SLC16A9: variants seen among roughly 807,000 people sequenced by gnomAD.
SLC16A9 encodes solute carrier family 16 member 9.
Under a neutral mutation model 44.3 loss-of-function variants are expected in SLC16A9, and 26 were observed. The observed-to-expected ratio is 0.59, with a 90% CI of 0.43 to 0.81. SLC16A9 has a LOEUF of 0.81. Among genes scored for constraint, SLC16A9 ranks in the 40% least tolerant of loss-of-function variants. The pLI, the probability that SLC16A9 is intolerant of heterozygous loss-of-function variation, is 0.00. For synonymous variants in SLC16A9, 230 were observed against 225.1 expected (o/e 1.02, Z -0.19); for missense variants, 559 against 595.8 (o/e 0.94, Z 0.64).
intron 1 of SLC16A9, among the ~76,000 whole-genome samples, chr10:59,707,335 AGGGG>A (rs1227991224): frequency 5.3e-4 from 41 of 76,862 alleles, no homozygotes; most frequent in African/African-American, 2.1e-3. Flanking sequence ...AAGGGAAGGG[AGGGG>A]AAGGGAGGGG....
At chr10:59,696,689 A>G (rs1840385960) in intron 1 of SLC16A9, among the ~76,000 whole-genome samples, 1 of 148,728 alleles carries the variant, frequency 6.7e-6, no homozygotes, top group Admixed American at 6.6e-5. Context: ...CCATCATCTG[A>G]GATGTGGGGA....
chr10:59,704,384 T>G (rs1425383732), intron 1 of SLC16A9, among the ~76,000 whole-genome samples: 1 of 152,024 alleles, frequency 6.6e-6, no homozygotes. Flanking sequence ...TCTTATTCAA[T>G]CCCTCAATCT....
intron 1 of SLC16A9, among the ~76,000 whole-genome samples, chr10:59,685,130 A>G (rs1361376485): frequency 6.6e-6 from 1 of 152,194 alleles, no homozygotes; most frequent in Non-Finnish European, 1.5e-5. Context: ...TTTTTCATAA[A>G]AAAGTAGTAT....
chr10:59,685,159 C>T (rs1301831370), intron 1 of SLC16A9, among the ~76,000 whole-genome samples: 1 of 152,162 alleles, frequency 6.6e-6, no homozygotes, highest in Non-Finnish European at 1.5e-5. Context: ...TTACATTCCC[C>T]ACCTTCCTTT....
intron 1 of SLC16A9, among the ~76,000 whole-genome samples, chr10:59,705,387 T>C (rs2132555504): frequency 6.6e-6 from 1 of 152,302 alleles, no homozygotes; most frequent in Non-Finnish European, 1.5e-5. Context: ...GCACAGACTC[T>C]GGGGGTAGAC....
chr10:59,669,944 C>A (rs1347489732), intron 3 of SLC16A9, among the ~76,000 whole-genome samples: 1 of 152,058 alleles, frequency 6.6e-6, no homozygotes, highest in Non-Finnish European at 1.5e-5. Context: ...AAAAACCTAA[C>A]AAAACAACAT....
chr10:59,669,429 A>G (rs1839695404), intron 3 of SLC16A9, among the ~76,000 whole-genome samples: 1 of 152,258 alleles, frequency 6.6e-6, no homozygotes, highest in Non-Finnish European at 1.5e-5. Context: ...ATGTTTTACA[A>G]TGAAATGTGT....
chr10:59,676,581 A>G (rs1349699252), intron 2 of SLC16A9, among the ~76,000 whole-genome samples: 1 of 152,132 alleles, frequency 6.6e-6, no homozygotes, highest in Non-Finnish European at 1.5e-5. Flanking sequence ...AAGGGGGGGA[A>G]AAAGGGGCAA....
chr10:59,703,366 T>C (rs1377265338), intron 1 of SLC16A9, among the ~76,000 whole-genome samples: 2 of 152,240 alleles, frequency 1.3e-5, no homozygotes, highest in African/African-American at 4.8e-5. Flanking sequence ...GCAATTCTCC[T>C]ATCATGGCCT....
chr10:59,664,217 G>GA lies in SLC16A9; in HGVS notation c.436+9dup. On this transcript the variant is annotated intron_variant, in intron 4 of 5. Coordinates refer to ENST00000395348, the MANE Select transcript of SLC16A9 (RefSeq NM_194298.3). ...ATGGTGACAATACTGTACTCATTTT[G>GA]AAAATATACCTGTTGAAATCAGGCC... The GA allele has an allele frequency of 6.3e-7, 1 of 1,595,424 alleles. No homozygotes were observed. Among genetic ancestry groups the GA allele is most frequent in the African/African-American group, 1.3e-5 (1 of 74,518 alleles).
At chr10:59,677,063 T>TCACA (rs57206841) in intron 2 of SLC16A9, among the ~76,000 whole-genome samples, 3 of 149,122 alleles carry the variant, frequency 2.0e-5, no homozygotes, top group South Asian at 4.3e-4. Flanking sequence ...AATAGGAACT[T>TCACA]CACACACACA....
In SLC16A9 at chr10:59,652,577, A is replaced by G. The variant is rs3763747; in HGVS notation, c.*195T>C. The G allele has an allele frequency of 0.25, 115,009 of 459,840 alleles. 18,144 individuals carry two copies. Among genetic ancestry groups the G allele is most frequent in the East Asian group, 0.57 (15,496 of 27,094 alleles). 28.5% of individuals were successfully genotyped at this position (459,840 alleles called of 1,614,324 possible). On this transcript the variant is annotated 3_prime_UTR_variant, in exon 6 of 6. Transcript: ENST00000395348. ...GGTGTGGGGAGGAGAAATAGAAAAA[A>G]ATACGAGATAGAGGCTACGCATACA...
chr10:59,702,146 C>G (rs978247434), intron 1 of SLC16A9, among the ~76,000 whole-genome samples: 5 of 152,192 alleles, frequency 3.3e-5, no homozygotes, highest in African/African-American at 1.2e-4. Context: ...AAAGATCTTT[C>G]ATTCAACAAA....
intron 3 of SLC16A9, 39 bp from the exon 4 acceptor site, chr10:59,664,361 A>C: frequency 7.2e-7 from 1 of 1,381,534 alleles, no homozygotes; most frequent in South Asian, 1.2e-5. Context: ...AAGACGCTGC[A>C]TTACTTCAAT....
At chr10:59,703,812 G>A (rs948494035) in intron 1 of SLC16A9, among the ~76,000 whole-genome samples, 2 of 150,708 alleles carry the variant, frequency 1.3e-5, no homozygotes, top group African/African-American at 2.4e-5. Flanking sequence ...TCCACCTCCC[G>A]GGTTCACGCC....
chr10:59,699,717 T>A (rs372843744), intron 1 of SLC16A9, among the ~76,000 whole-genome samples: 3 of 151,948 alleles, frequency 2.0e-5, no homozygotes, highest in African/African-American at 7.2e-5. Context: ...CCTTTAGACA[T>A]AACTGGTAGT....
chr10:59,708,281 G>A (rs1344122644), intron 1 of SLC16A9, among the ~76,000 whole-genome samples: 1 of 151,662 alleles, frequency 6.6e-6, no homozygotes, highest in Admixed American at 6.6e-5. Flanking sequence ...AAAGTGGAAG[G>A]GTTTTCCTAT....
chr10:59,655,931 T>A (rs1262596123), intron 4 of SLC16A9, among the ~76,000 whole-genome samples: 2 of 152,234 alleles, frequency 1.3e-5, no homozygotes, highest in African/African-American at 4.8e-5. Flanking sequence ...TTCTTCCAAA[T>A]AGCCAAATGG....
intron 3 of SLC16A9, among the ~76,000 whole-genome samples, chr10:59,670,821 T>C (rs1258801429): frequency 6.6e-6 from 1 of 152,206 alleles, no homozygotes; most frequent in African/African-American, 2.4e-5. Flanking sequence ...CCCATTTATT[T>C]ATCCCACAAA....
Sources: allele counts gnomAD v4.1 joint callset (sites outside exome capture counted in the v4.1 genomes callset), GRCh38; gene constraint gnomAD v4.1.1; transcripts MANE v1.5; gene names NCBI Gene and HGNC (gene_info 2026-07-23, HGNC 2026-07-21).